Variants in KCNC1 observed in about 807,000 individuals in gnomAD.
The protein encoded by KCNC1 is voltage-gated potassium channel KCNC1.
KCNC1 carries 8 observed loss-of-function variants against 43.4 expected under a neutral mutation model. That is an observed-to-expected ratio of 0.18 (90% CI 0.11 to 0.33). The LOEUF (loss-of-function observed/expected upper bound fraction) is 0.33, where lower values mean the gene tolerates loss of function less well. Among genes scored for constraint, KCNC1 ranks in the 10% least tolerant of loss-of-function variants. The pLI is 1.00. For missense variants in KCNC1, 420 were observed against 836.0 expected, an observed-to-expected ratio of 0.50 and a Z score of 6.14; for synonymous variants, 361 against 360.5, an observed-to-expected ratio of 1.00 and a Z score of -0.01.
rs1427898880 is a variant in KCNC1, at chr11:17,734,909, G to A, written c.-1094G>A. 3 of 150,038 alleles carry A rather than the reference G, an allele frequency of 2.0e-5. No homozygotes were observed. The highest frequency in any genetic ancestry group is 7.3e-5 in the African/African-American group (3 of 41,142). 9.3% of individuals were successfully genotyped at this position (150,038 alleles called of 1,614,324 possible). A position where few individuals can be genotyped will look rare whatever the true frequency, so the allele number is the denominator to read the frequency against. On this transcript the variant is annotated 5_prime_UTR_variant, in exon 1 of 4. Transcript: ENST00000265969. Reference sequence around the variant, plus strand: ...TCACCGGCCTCGCTGGCCTCACCTCGCCGCGCCCGGACCCGCCACCCCCGC... The same window carrying A: ...TCACCGGCCTCGCTGGCCTCACCTCACCGCGCCCGGACCCGCCACCCCCGC...
chr11:17,753,813 G>T lies in KCNC1; in HGVS notation c.570+17241G>T, dbSNP rs946435506. On this transcript the variant is annotated intron_variant, in intron 1 of 3. Coordinates refer to ENST00000265969, the MANE Select transcript of KCNC1 (RefSeq NM_001112741.2). ...ACATGGTCTCATCTCCTCACCATGT[G>T]TCCCAGATTCCAATTCCGATGCCCA... Among the ~76,000 whole-genome samples the T allele has an allele frequency of 3.9e-4, 60 of 152,282 alleles. 1 individual carries two copies. In the Middle Eastern group the frequency reaches 0.01, roughly 26 times the overall value.
Position 17,773,492 on chromosome 11 carries a change from G to A in KCNC1, c.1504+894G>A, listed in dbSNP as rs914545426. On this transcript the variant is annotated intron_variant, in intron 2 of 3. Coordinates refer to ENST00000265969, the MANE Select transcript of KCNC1 (RefSeq NM_001112741.2). This position sits in a 1 kb window ranked among gnomAD's most constrained non-coding sequence, Gnocchi z 4.1. Reference sequence around the variant, plus strand: ...GGGTTCTCCCCGTTTCCAGCGGTAGGGACTGCAGCAGCAATATAGACATCC... The same window carrying A: ...GGGTTCTCCCCGTTTCCAGCGGTAGAGACTGCAGCAGCAATATAGACATCC... The A allele has an allele frequency of 2.0e-6, 2 of 984,506 alleles. No homozygotes were observed. Among genetic ancestry groups the A allele is most frequent in the African/African-American group, 1.8e-5 (1 of 56,932 alleles). The allele number at this position is 984,506 out of a possible 1,614,324, so 61.0% of individuals were successfully genotyped here. A position where few individuals can be genotyped will look rare whatever the true frequency, so the allele number is the denominator to read the frequency against.
intron 1 of KCNC1, among the ~76,000 whole-genome samples, chr11:17,740,258 C>G (rs1178805442): frequency 2.0e-5 from 3 of 152,182 alleles, no homozygotes; most frequent in African/African-American, 7.2e-5. Context: ...ACAGGATGAG[C>G]TCCACGTGTG....
chr11:17,776,330 C>G lies in KCNC1; in HGVS notation c.1505-3126C>G, dbSNP rs1312943321. ...GCCTGAGACTTTTTTCCTGAGTCCC[C>G]AGCTGGGCAGATCCCTCAGGGCTAA... On this transcript the variant is annotated intron_variant, in intron 2 of 3. Transcript: ENST00000265969. The surrounding 1 kb of genome is among the most constrained non-coding windows in gnomAD (Gnocchi z 4.4). 3.0e-6 allele frequency: 3 copies of G among 985,168 alleles called. No homozygotes were observed. Among genetic ancestry groups the G allele is most frequent in the South Asian group, 4.7e-5 (1 of 21,282 alleles). 61.0% of individuals were successfully genotyped at this position (985,168 alleles called of 1,614,324 possible).
chr11:17,770,669 T>TG (rs1262388906), intron 1 of KCNC1, among the ~76,000 whole-genome samples: 1 of 152,156 alleles, frequency 6.6e-6, no homozygotes, highest in Non-Finnish European at 1.5e-5. Flanking sequence ...ACCTTTTTGC[T>TG]GGGGGCTCAG....
rs1848819476 is a variant in KCNC1, at chr11:17,739,904, G to A, written c.570+3332G>A. 6.6e-6 allele frequency among the ~76,000 whole-genome samples: 1 copy of A among 152,170 alleles called. No homozygotes were observed. The highest frequency in any genetic ancestry group is 6.5e-5 in the Admixed American group (1 of 15,276). On this transcript the variant is annotated intron_variant, in intron 1 of 3. Transcript: ENST00000265969. This position sits in a 1 kb window ranked among gnomAD's most constrained non-coding sequence, Gnocchi z 4.2. ...GAGGTCCTGTGCATCCCGAGTGTGT[G>A]TGTGCTTGAGGAAGATGAGATTCCA...
At chr11:17,754,977 G>A (rs780469581) in intron 1 of KCNC1, among the ~76,000 whole-genome samples, 2 of 152,156 alleles carry the variant, frequency 1.3e-5, no homozygotes, top group African/African-American at 4.8e-5. Flanking sequence ...TGGCATCTTA[G>A]ATGATCTGTG....
intron 1 of KCNC1, among the ~76,000 whole-genome samples, chr11:17,764,373 C>G (rs1400683560): frequency 4.0e-5 from 6 of 151,870 alleles, no homozygotes; most frequent in Non-Finnish European, 8.8e-5. Flanking sequence ...CATGTCCACA[C>G]ACACACAAAC....
At chr11:17,774,365 C>T (rs1849262760) in intron 2 of KCNC1, 1 of 985,556 alleles carries the variant, frequency 1.0e-6, no homozygotes, top group Non-Finnish European at 1.2e-6. Flanking sequence ...CTGGCCCTTC[C>T]CCTGCATCCT....
At chr11:17,775,769 G>A (rs972649771) in intron 2 of KCNC1, 17 of 985,922 alleles carry the variant, frequency 1.7e-5, no homozygotes, top group East Asian at 1.1e-4. Context: ...GTGGGTGGCC[G>A]GTGGAGGGGG....
chr11:17,772,544 C>G lies in KCNC1; in HGVS notation c.1450C>G (p.Gln484Glu), dbSNP rs376505218. 12 of 1,614,006 alleles carry G rather than the reference C, an allele frequency of 7.4e-6. No homozygotes were observed. The African/African-American group carries it at 1.2e-4, about 16-fold the overall frequency. ...SVVNSPHHSTQSDTCPLAQEE... is the reference protein window; with the variant it reads ...SVVNSPHHSTESDTCPLAQEE... Reference sequence around the variant, plus strand: ...CGTAAACTCTCCACACCACAGTACTCAGAGTGACACATGTCCGCTGGCCCA... The same window carrying G: ...CGTAAACTCTCCACACCACAGTACTGAGAGTGACACATGTCCGCTGGCCCA... The change falls in exon 2 of 4, where the codon CAG becomes GAG. Residue 484 changes from glutamine to glutamate, a missense_variant. Physicochemically the swap from Gln to Glu is conservative, Grantham distance 29. Transcript: ENST00000265969.
In KCNC1 at chr11:17,776,651, G is replaced by A; in HGVS notation, c.1505-2805G>A. The A allele has an allele frequency of 1.0e-6, 1 of 985,334 alleles. No homozygotes were observed. The highest frequency in any genetic ancestry group is 1.2e-6 in the Non-Finnish European group (1 of 829,916). The allele number at this position is 985,334 out of a possible 1,614,324, so 61.0% of individuals were successfully genotyped here. A position where few individuals can be genotyped will look rare whatever the true frequency, so the allele number is the denominator to read the frequency against. ...CCTGTGGGTCTAGTGGGGGCCTGGGGGCCCTGGGCTGGGGGAGGCAGGGCC... is the reference window on the plus strand; with the variant it reads ...CCTGTGGGTCTAGTGGGGGCCTGGGAGCCCTGGGCTGGGGGAGGCAGGGCC... On this transcript the variant is annotated intron_variant, in intron 2 of 3. Coordinates refer to ENST00000265969, the MANE Select transcript of KCNC1 (RefSeq NM_001112741.2). The surrounding 1 kb of genome is among the most constrained non-coding windows in gnomAD (Gnocchi z 4.4).
chr11:17,765,042 C>G (rs1449393534), intron 1 of KCNC1, among the ~76,000 whole-genome samples: 1 of 152,184 alleles, frequency 6.6e-6, no homozygotes, highest in African/African-American at 2.4e-5. Flanking sequence ...GCCAGGGCTC[C>G]CCTGATTAGC....
At chr11:17,749,193 G>A (rs112250621) in intron 1 of KCNC1, among the ~76,000 whole-genome samples, 60 of 152,336 alleles carry the variant, frequency 3.9e-4, no homozygotes, top group African/African-American at 1.3e-3. Context: ...AGGGGATAAC[G>A]AGAGTCCCTA....
chr11:17,770,075 C>G (rs1849205733), intron 1 of KCNC1, among the ~76,000 whole-genome samples: 1 of 152,256 alleles, frequency 6.6e-6, no homozygotes, highest in South Asian at 2.1e-4. Flanking sequence ...GGTTGAGTGT[C>G]AGGCCCTGTG....
chr11:17,740,452 T>C (rs941530192), intron 1 of KCNC1, among the ~76,000 whole-genome samples: 4 of 151,992 alleles, frequency 2.6e-5, no homozygotes, highest in Non-Finnish European at 5.9e-5. Context: ...AGGGGGGTCA[T>C]AGAGGTGTGA....
In KCNC1 at chr11:17,776,467, C is replaced by A. The variant is rs1849289235; in HGVS notation, c.1505-2989C>A. ...CTTTGGCGGTGCCTGGAGACCAGGGCAGAAAAGCCAGCTGTGCTGACTGAG... is the reference window on the plus strand; with the variant it reads ...CTTTGGCGGTGCCTGGAGACCAGGGAAGAAAAGCCAGCTGTGCTGACTGAG... On this transcript the variant is annotated intron_variant, in intron 2 of 3. Transcript: ENST00000265969. This position sits in a 1 kb window ranked among gnomAD's most constrained non-coding sequence, Gnocchi z 4.4. 7.1e-6 allele frequency: 7 copies of A among 985,346 alleles called. No individual in the cohort carries two copies. The South Asian group carries it at 3.3e-4, about 46-fold the overall frequency. 61.0% of individuals were successfully genotyped at this position (985,346 alleles called of 1,614,324 possible). A position where few individuals can be genotyped will look rare whatever the true frequency, so the allele number is the denominator to read the frequency against.
chr11:17,764,197 C>A (rs1849119308), intron 1 of KCNC1, among the ~76,000 whole-genome samples: 1 of 149,630 alleles, frequency 6.7e-6, no homozygotes, highest in South Asian at 2.1e-4. Context: ...CACATAGCCC[C>A]ATAGACACAC....
rs965459473 is a variant in KCNC1 at position 17,742,472 on chromosome 11, G to A, written c.570+5900G>A. On this transcript the variant is annotated intron_variant, in intron 1 of 3. Coordinates refer to ENST00000265969, the MANE Select transcript of KCNC1 (RefSeq NM_001112741.2). The surrounding 1 kb of genome is among the most constrained non-coding windows in gnomAD (Gnocchi z 4.2). Reference sequence around the variant, plus strand: ...CAGGGGATTCACTCTAGACCAAAAGGTCAGGGCCTTGAGCCACTGCCTCCC... The same window carrying A: ...CAGGGGATTCACTCTAGACCAAAAGATCAGGGCCTTGAGCCACTGCCTCCC... Among the ~76,000 whole-genome samples the A allele has an allele frequency of 2.6e-5, 4 of 152,180 alleles. No individual in the cohort carries two copies. The highest frequency in any genetic ancestry group is 1.9e-4 in the East Asian group (1 of 5,196).
Sources: gnomAD v4.1 joint callset for allele counts (sites outside exome capture counted in the v4.1 genomes callset) on GRCh38, gnomAD v4.1.1 for gene constraint, Gnocchi (gnomAD v3.1) non-coding constraint, MANE v1.5 for transcripts, NCBI Gene and HGNC (gene_info 2026-07-23, HGNC 2026-07-21) for gene names.